DEAF1: variants seen among roughly 807,000 people sequenced by gnomAD.
DEAF1 encodes DEAF1 transcription factor, also known as deformed epidermal autoregulatory factor 1 homolog.
DEAF1 carries 53 observed loss-of-function variants against 58.9 expected under a neutral mutation model. That is an observed-to-expected ratio of 0.90 (90% CI 0.72 to 1.13). The LOEUF (loss-of-function observed/expected upper bound fraction) is 1.13, where lower values mean the gene tolerates loss of function less well. Among genes scored for constraint, DEAF1 ranks in the 50% most tolerant of loss-of-function variants. The probability of loss-of-function intolerance (pLI) is 0.00; values close to 1 mark genes in which losing one functional copy is unlikely to be tolerated. For missense variants in DEAF1, 685 were observed against 791.4 expected (o/e 0.87, Z 1.61); for synonymous variants, 385 against 340.4 (o/e 1.13, Z -1.44).
upstream of DEAF1, chr11:698,833 C>G (rs1410720187): frequency 3.1e-6 from 5 of 1,613,940 alleles, no homozygotes; most frequent in Non-Finnish European, 4.2e-6. Flanking sequence ...ATCCTGGTGG[C>G]TGTCAGGCCT....
chr11:673,844 G>A (rs1859937517), intron 10 of DEAF1, among the ~76,000 whole-genome samples: 1 of 152,064 alleles, frequency 6.6e-6, no homozygotes, highest in South Asian at 2.1e-4. Context: ...GTTTACTCTG[G>A]CTCTAGTAAT....
At chr11:691,176 C>T (rs186206454) in intron 2 of DEAF1, among the ~76,000 whole-genome samples, 1 of 152,244 alleles carries the variant, frequency 6.6e-6, no homozygotes, top group Non-Finnish European at 1.5e-5. Flanking sequence ...ATAAGGAGCA[C>T]AGGCAGGGCC....
chr11:654,782 T>C (rs373202272), intron 10 of DEAF1: 2 of 382,842 alleles, frequency 5.2e-6, no homozygotes, highest in Non-Finnish European at 1.1e-5. Flanking sequence ...GGTGGGAGAA[T>C]AGCTTGCACC....
intron 1 of DEAF1, among the ~76,000 whole-genome samples, chr11:702,619 G>C (rs1861547921): frequency 6.6e-6 from 1 of 152,258 alleles, no homozygotes; most frequent in African/African-American, 2.4e-5. Flanking sequence ...TTGGAATTAG[G>C]AAAACGTGGC....
rs767780230 is a variant in DEAF1, at chr11:681,051, G to C, written c.909C>G (p.Arg303=). 3.7e-6 allele frequency: 6 copies of C among 1,614,044 alleles called. No individual in the cohort carries two copies. The highest frequency in any genetic ancestry group is 5.1e-6 in the Non-Finnish European group (6 of 1,180,008). Residue 303 remains arginine, a synonymous_variant, in exon 7 of 12, where the codon CGC becomes CGG. Transcript: ENST00000382409. The part of the protein sequence containing the change: ...PVRLFVPYKR[R]KKENELPTTP... ...TTGTGGGCAGTTCATTCTCCTTCTT[G>C]CGCCTTTTGTAAGGCACAAAAAGCC...
chr11:702,620 A>G (rs1314993844), intron 1 of DEAF1, among the ~76,000 whole-genome samples: 1 of 152,266 alleles, frequency 6.6e-6, no homozygotes, highest in Non-Finnish European at 1.5e-5. Context: ...TGGAATTAGG[A>G]AAACGTGGCA....
Position 688,162 on chromosome 11 carries a change from C to A in DEAF1, c.518-105G>T. 6.4e-7 allele frequency: 1 copy of A among 1,556,350 alleles called. No homozygotes were observed. ...CCGGCAGCGCCACCTCCTTCAACGG[C>A]GGAAAAACTTCTTGGTCAGGAAAAT... On this transcript the variant is annotated intron_variant, in intron 3 of 11. Coordinates refer to ENST00000382409, the MANE Select transcript of DEAF1 (RefSeq NM_021008.4). The surrounding 1 kb of genome is among the most constrained non-coding windows in gnomAD (Gnocchi z 4.3).
intron 9 of DEAF1, 136 bp downstream of exon 9, chr11:678,558 T>C (rs1860185627): frequency 2.3e-6 from 3 of 1,286,142 alleles, no homozygotes; most frequent in Non-Finnish European, 1.1e-6. Context: ...GGCCACACTT[T>C]ACCAGCCACT....
chr11:676,683 T>C (rs1860094383), intron 9 of DEAF1, among the ~76,000 whole-genome samples: 1 of 152,048 alleles, frequency 6.6e-6, no homozygotes, highest in Non-Finnish European at 1.5e-5. Context: ...TTTGTATTTT[T>C]AGTAGAGATG....
chr11:705,750 G>A (rs1045784900), intron 1 of DEAF1, among the ~76,000 whole-genome samples: 1 of 152,162 alleles, frequency 6.6e-6, no homozygotes, highest in African/African-American at 2.4e-5. Flanking sequence ...ACCTGGCCCG[G>A]CGGAGGCTCT....
Position 665,343 on chromosome 11 carries a change from G to C in DEAF1, c.1503+9193C>G, listed in dbSNP as rs1014387799. Among the ~76,000 whole-genome samples, 10 of 152,190 alleles carry C rather than the reference G, an allele frequency of 6.6e-5. No homozygotes were observed. In the East Asian group the frequency reaches 1.9e-3, roughly 29 times the overall value. ...ACAGGGTGTCACACTCAGAGCCTCTGAGTCCTGGCTCAGCTATTCAAGTAA... is the reference window on the plus strand; with the variant it reads ...ACAGGGTGTCACACTCAGAGCCTCTCAGTCCTGGCTCAGCTATTCAAGTAA... On this transcript the variant is annotated intron_variant, in intron 10 of 11. Transcript: ENST00000382409.
In DEAF1 at chr11:654,052, C is replaced by T. The variant is rs1189993385; in HGVS notation, c.1504-1G>A. The stretch of plus-strand genomic sequence containing the variant: ...CCCGGCCGCAGTTAACGCAGGACTG[C>T]TGCAAGAAGGACACAACAGGCCAGT... On this transcript the variant is annotated splice_acceptor_variant, in intron 10 of 11. Transcript: ENST00000382409. LOFTEE classifies it high-confidence loss of function. The T allele has an allele frequency of 6.2e-7, 1 of 1,612,820 alleles. No individual in the cohort carries two copies. Among genetic ancestry groups the T allele is most frequent in the Non-Finnish European group, 8.5e-7 (1 of 1,179,758 alleles).
chr11:648,523 G>C (rs778188698), intron 11 of DEAF1, among the ~76,000 whole-genome samples: 7 of 152,140 alleles, frequency 4.6e-5, no homozygotes, highest in African/African-American at 9.7e-5. Flanking sequence ...AACAGGATCT[G>C]AGGGAGGCTT....
upstream of DEAF1, chr11:695,884 C>A (rs1273920587): frequency 9.0e-6 from 11 of 1,217,276 alleles, no homozygotes; most frequent in Non-Finnish European, 1.1e-5. Context: ...GGGCTTGCAG[C>A]GGCGGGCGCG....
upstream of DEAF1, chr11:699,797 A>G (rs1861361170): frequency 4.0e-6 from 1 of 248,904 alleles, no homozygotes; most frequent in African/African-American, 2.2e-5. Context: ...CTCTTAACTC[A>G]TAACTGGGGC....
rs1858399957 is a variant in DEAF1, at chr11:644,703, G to A, written c.1594-49C>T. ...TCAGCAGGGTCAGTGGGTGGAGCAGGGTCTGGGCAGGGTCCCCAAGGCAGA... is the reference window on the plus strand; with the variant it reads ...TCAGCAGGGTCAGTGGGTGGAGCAGAGTCTGGGCAGGGTCCCCAAGGCAGA... On this transcript the variant is annotated intron_variant, in intron 11 of 11. Transcript: ENST00000382409. The surrounding 1 kb of genome is among the most constrained non-coding windows in gnomAD (Gnocchi z 4.3). 1 of 1,471,184 alleles carries A rather than the reference G, an allele frequency of 6.8e-7. No homozygotes were observed. The highest frequency in any genetic ancestry group is 1.9e-5 in the Admixed American group (1 of 52,578). 91.1% of individuals were successfully genotyped at this position (1,471,184 alleles called of 1,614,324 possible). A position where few individuals can be genotyped will look rare whatever the true frequency, so the allele number is the denominator to read the frequency against.
intron 11 of DEAF1, among the ~76,000 whole-genome samples, chr11:650,207 CTA>C (rs951581745): frequency 6.6e-6 from 1 of 151,432 alleles, no homozygotes; most frequent in African/African-American, 2.4e-5. Context: ...AAACCCGTCT[CTA>C]TTAAAAATAC....
At chr11:695,784 G>A (rs1199509066), upstream of DEAF1, 25 of 1,236,606 alleles carry the variant, frequency 2.0e-5, 1 homozygote, top group Non-Finnish European at 2.4e-5. Context: ...CGCGGGCCGA[G>A]AGGCTGCCGG....
At chr11:684,698 G>A (rs535567107) in intron 6 of DEAF1, among the ~76,000 whole-genome samples, 200 bp downstream of exon 6, 21 of 152,290 alleles carry the variant, frequency 1.4e-4, no homozygotes, top group East Asian at 7.7e-4. Context: ...GGCCAACCAC[G>A]TGTTCCCCAT....
Sources: allele counts gnomAD v4.1 joint callset (sites outside exome capture counted in the v4.1 genomes callset), GRCh38; gene constraint gnomAD v4.1.1; non-coding constraint Gnocchi (gnomAD v3.1); transcripts MANE v1.5; gene names NCBI Gene and HGNC (gene_info 2026-07-23, HGNC 2026-07-21).